The following ZFYVE9 variants were observed in gnomAD, a reference collection of about 807,000 sequenced individuals.
ZFYVE9 encodes the protein zinc finger FYVE domain-containing protein 9.
In ZFYVE9, 43 loss-of-function variants were observed where a neutral mutation model predicts 126.7. That is an observed-to-expected ratio of 0.34 (90% CI 0.27 to 0.44). The LOEUF is 0.44. ZFYVE9 is among the 20% of genes least tolerant of loss of function. ZFYVE9 has a pLI of 1.00. For synonymous variants in ZFYVE9, 521 were observed against 597.4 expected, an observed-to-expected ratio of 0.87 and a Z score of 1.87; for missense variants, 1,476 against 1,697.0, an observed-to-expected ratio of 0.87 and a Z score of 2.29.
chr1:52,241,769 A>C (rs1275983092), intron 4 of ZFYVE9, among the ~76,000 whole-genome samples: 1 of 152,162 alleles, frequency 6.6e-6, no homozygotes, highest in Non-Finnish European at 1.5e-5. Flanking sequence ...TTCTCAGAAG[A>C]AAAGGGCTTA....
chr1:52,204,374 T>C (rs2124574800), intron 1 of ZFYVE9, among the ~76,000 whole-genome samples: 1 of 152,254 alleles, frequency 6.6e-6, no homozygotes. Flanking sequence ...GGCTCTGATA[T>C]AACCCCAGCA....
At chr1:52,248,593 C>T (rs1044467454) in intron 4 of ZFYVE9, among the ~76,000 whole-genome samples, 3 of 152,176 alleles carry the variant, frequency 2.0e-5, no homozygotes, top group African/African-American at 7.2e-5. Flanking sequence ...TAGTGTGTAT[C>T]AGAGTTTCAT....
At chr1:52,329,821 C>T (rs962221657) in intron 13 of ZFYVE9, among the ~76,000 whole-genome samples, 1 of 152,088 alleles carries the variant, frequency 6.6e-6, no homozygotes, top group East Asian at 1.9e-4. Context: ...AGGAGAATGG[C>T]GTGAACCTGG....
In ZFYVE9 at chr1:52,238,873, C is replaced by T. The variant is rs1645304588; in HGVS notation, c.1456C>T (p.Pro486Ser). Reference protein sequence around the residue: ...NGCDSYGMQDPGVSFVPKTLP... With the variant: ...NGCDSYGMQDSGVSFVPKTLP... ...TTGTGATTCCTATGGAATGCAAGAC[C>T]CAGGTGTTTCTTTTGTTCCAAAGAC... Residue 486 changes from proline to serine, a missense_variant, in exon 4 of 19, where the codon CCA (proline) becomes TCA (serine). Around this residue, in one of 2 missense-constraint regions of ZFYVE9, gnomAD observed 807 missense variants for 794.6 expected, o/e 1.02. Transcript: ENST00000287727. The T allele has an allele frequency of 6.2e-7, 1 of 1,613,834 alleles. No homozygotes were observed. The highest frequency in any genetic ancestry group is 1.3e-5 in the African/African-American group (1 of 74,868).
chr1:52,149,930 G>A (rs576771838), intron 1 of ZFYVE9, among the ~76,000 whole-genome samples: 1 of 152,268 alleles, frequency 6.6e-6, no homozygotes, highest in South Asian at 2.1e-4. Flanking sequence ...GAAAAGATAT[G>A]CATTTCTGTT....
intron 1 of ZFYVE9, among the ~76,000 whole-genome samples, chr1:52,188,596 C>A (rs902861317): frequency 6.6e-6 from 1 of 151,894 alleles, no homozygotes; most frequent in Non-Finnish European, 1.5e-5. Flanking sequence ...TAATTTTGTA[C>A]AAAAAATAGT....
rs541798668 is a variant in ZFYVE9, at chr1:52,254,030, T to A, written c.2179-9743T>A. ...AGGAAGCCAACTTGGACGTTAATGATACAGATTGCTGTTCTAGCCAGTCAT... is the reference window on the plus strand; with the variant it reads ...AGGAAGCCAACTTGGACGTTAATGAAACAGATTGCTGTTCTAGCCAGTCAT... On this transcript the variant is annotated intron_variant, in intron 4 of 18. Coordinates refer to ENST00000287727, the MANE Select transcript of ZFYVE9 (RefSeq NM_004799.4). 1.4e-5 allele frequency: 11 copies of A among 760,164 alleles called. No individual in the cohort carries two copies. In the East Asian group the frequency reaches 2.7e-4, roughly 19 times the overall value. 47.1% of individuals were successfully genotyped at this position (760,164 alleles called of 1,614,324 possible).
Position 52,228,552 on chromosome 1 carries a change from T to C in ZFYVE9, c.-36-4619T>C, listed in dbSNP as rs150061283. Among the ~76,000 whole-genome samples, 436 of 152,302 alleles carry C rather than the reference T, an allele frequency of 2.9e-3. 4 individuals are homozygous for C. Among genetic ancestry groups the C allele is most frequent in the African/African-American group, 9.5e-3 (396 of 41,562 alleles). ...CCATTTTGTCCCTTTTGCACACCTT[T>C]CTTCCCTTCCCACACATATACTCTC... On this transcript the variant is annotated intron_variant, in intron 2 of 18. Transcript: ENST00000287727.
intron 13 of ZFYVE9, among the ~76,000 whole-genome samples, chr1:52,321,282 G>A (rs892859813): frequency 1.3e-5 from 2 of 152,138 alleles, no homozygotes; most frequent in African/African-American, 2.4e-5. Flanking sequence ...AACAGATGGC[G>A]CTAAAATCTG....
At chr1:52,272,714 G>C (rs1047164119) in intron 7 of ZFYVE9, among the ~76,000 whole-genome samples, 11 of 134,740 alleles carry the variant, frequency 8.2e-5, no homozygotes, top group Non-Finnish European at 1.5e-4. Flanking sequence ...CTGTTGCCCA[G>C]ACTGGAATGC....
At chr1:52,164,760 G>A (rs1217259169) in intron 1 of ZFYVE9, among the ~76,000 whole-genome samples, 5 of 152,198 alleles carry the variant, frequency 3.3e-5, no homozygotes, top group African/African-American at 1.2e-4. Flanking sequence ...GATGATTGCT[G>A]CTTTCCTTTC....
At chr1:52,328,037 G>T (rs1235989181) in intron 13 of ZFYVE9, among the ~76,000 whole-genome samples, 2 of 152,082 alleles carry the variant, frequency 1.3e-5, no homozygotes, top group Non-Finnish European at 2.9e-5. Context: ...ATGGGAAATG[G>T]TAGGCCATCA....
At position 52,293,698 on chromosome 1, in the gene ZFYVE9, T is replaced by C. The variant is rs74080926; in HGVS notation, c.3250+21T>C. 2,391 of 1,601,938 alleles carry C rather than the reference T, an allele frequency of 1.5e-3. 23 individuals are homozygous for C. In the African/African-American group the frequency reaches 0.029, roughly 19 times the overall value. ...TCGACGTAAGTAGTAAAAACACGTTTTTCAAGGCATGATGACTAAAATAAT... is the reference window on the plus strand; with the variant it reads ...TCGACGTAAGTAGTAAAAACACGTTCTTCAAGGCATGATGACTAAAATAAT... On this transcript the variant is annotated intron_variant, in intron 11 of 18. Transcript: ENST00000287727.
At chr1:52,247,861 A>G (rs1006293196) in intron 4 of ZFYVE9, among the ~76,000 whole-genome samples, 4 of 152,096 alleles carry the variant, frequency 2.6e-5, no homozygotes, top group Non-Finnish European at 5.9e-5. Flanking sequence ...GGTGACTGCT[A>G]TTCTACCATC....
In ZFYVE9 at chr1:52,344,861, C is replaced by T; in HGVS notation, c.4033C>T (p.Leu1345Phe). 2 of 1,614,174 alleles carry T rather than the reference C, an allele frequency of 1.2e-6. No individual in the cohort carries two copies. The highest frequency in any genetic ancestry group is 1.7e-6 in the Non-Finnish European group (2 of 1,180,034). Reference protein sequence around the residue: ...LTEHVAKAFCLALCPHLKLLK... With the variant: ...LTEHVAKAFCFALCPHLKLLK... ...TGAGCATGTTGCCAAAGCTTTTTGC[C>T]TTGCTCTCTGTCCTCACCTGAAACT... The change falls in exon 18 of 19, where the codon CTT becomes TTT. Residue 1345 changes from leucine (L) to phenylalanine (F), a missense_variant. By Grantham distance (22) the Leu-to-Phe change is conservative (BLOSUM62 0). Around this residue, in one of 2 missense-constraint regions of ZFYVE9, gnomAD observed 669 missense variants for 902.4 expected, o/e 0.74. Coordinates refer to ENST00000287727, the MANE Select transcript of ZFYVE9 (RefSeq NM_004799.4).
intron 1 of ZFYVE9, among the ~76,000 whole-genome samples, chr1:52,155,234 C>CTTTTTTTTTTTTTT (rs202048189): frequency 7.7e-6 from 1 of 129,092 alleles, no homozygotes; most frequent in Non-Finnish European, 1.7e-5. Flanking sequence ...TCTTTTTTTT[C>CTTTTTTTTTTTTTT]TTTTTTTTTT....
chr1:52,238,981 CAG>C lies in ZFYVE9; in HGVS notation c.1569_1570del (p.Gly524LysfsTer2). On this transcript the variant is annotated frameshift_variant, in exon 4 of 19. Transcript: ENST00000287727. LOFTEE classifies it high-confidence loss of function. ...KSECYSNIYE[Q>X]RGNEATEGSG... ...AGAATGCTACTCAAATATTTATGAA[CAG>C]AGAGGAAATGAGGCCACAGAAGGGA... The C allele has an allele frequency of 6.2e-7, 1 of 1,613,994 alleles. No homozygotes were observed. Among genetic ancestry groups the C allele is most frequent in the Non-Finnish European group, 8.5e-7 (1 of 1,179,992 alleles).
At chr1:52,256,797 G>A (rs978529177) in intron 4 of ZFYVE9, among the ~76,000 whole-genome samples, 6 of 149,312 alleles carry the variant, frequency 4.0e-5, no homozygotes, top group African/African-American at 1.5e-4. Flanking sequence ...TTTGCTATGT[G>A]CTAATAAGTG....
At chr1:52,219,975 A>G (rs1022418631) in intron 2 of ZFYVE9, among the ~76,000 whole-genome samples, 3 of 152,020 alleles carry the variant, frequency 2.0e-5, no homozygotes, top group Admixed American at 1.3e-4. Context: ...ACGGGGTTTC[A>G]CCATATTGGC....
Sources: gnomAD v4.1 joint callset for allele counts (sites outside exome capture counted in the v4.1 genomes callset) on GRCh38, gnomAD v4.1.1 for gene constraint, gnomAD v4.1.1 regional missense constraint, MANE v1.5 for transcripts, NCBI Gene and HGNC (gene_info 2026-07-23, HGNC 2026-07-21) for gene names.